Variants in ULK4 observed in about 807,000 individuals in gnomAD.
The protein encoded by ULK4 is unc-51 like kinase 4.
A neutral mutation model predicts 160.6 loss-of-function variants in ULK4; 133 were observed. That is an observed-to-expected ratio of 0.83 (90% CI 0.72 to 0.96). The LOEUF is 0.96. ULK4 is among the 40% of genes least tolerant of loss of function. ULK4 has a pLI of 0.00. For synonymous variants in ULK4, 534 were observed against 539.8 expected (o/e 0.99, Z 0.15); for missense variants, 1,580 against 1,499.5 (o/e 1.05, Z -0.89).
chr3:41,489,798 G>C (rs1173105600), intron 32 of ULK4, among the ~76,000 whole-genome samples: 1 of 152,000 alleles, frequency 6.6e-6, no homozygotes, highest in Non-Finnish European at 1.5e-5. Flanking sequence ...ACCAGTCTTG[G>C]CTAGTAAAAG....
At chr3:41,523,656 T>C (rs1450326694) in intron 32 of ULK4, among the ~76,000 whole-genome samples, 1 of 152,168 alleles carries the variant, frequency 6.6e-6, no homozygotes, top group African/African-American at 2.4e-5. Context: ...ATGGAGAAAC[T>C]GGAGTCCATA....
intron 30 of ULK4, among the ~76,000 whole-genome samples, chr3:41,625,411 C>T (rs889752462): frequency 1.3e-5 from 2 of 152,160 alleles, no homozygotes; most frequent in African/African-American, 4.8e-5. Flanking sequence ...TCTCCTCTCA[C>T]ACAAGCATAG....
In ULK4 at chr3:41,901,479, C is replaced by CTTTTTTTTTT. The variant is rs566805860; in HGVS notation, c.1183-660_1183-651dup. On this transcript the variant is annotated intron_variant, in intron 12 of 36. Transcript: ENST00000301831. The stretch of plus-strand genomic sequence containing the variant: ...ACAGGCGTGAGCCACCACGCCCAGC[C>CTTTTTTTTTT]TTTTTTTTTTTTTTTTTTTGAGATA... Among the ~76,000 whole-genome samples, 12 of 22,544 alleles carry CTTTTTTTTTT rather than the reference C, an allele frequency of 5.3e-4. 3 individuals are homozygous for CTTTTTTTTTT. Among genetic ancestry groups the CTTTTTTTTTT allele is most frequent in the South Asian group, 3.6e-3 (1 of 274 alleles). The allele number at this position is 22,544 out of a possible 152,430, so 14.8% of individuals were successfully genotyped here. A position where few individuals can be genotyped will look rare whatever the true frequency, so the allele number is the denominator to read the frequency against.
Position 41,681,954 on chromosome 3 carries a change from A to T in ULK4, c.2782-150T>A, listed in dbSNP as rs1045044385. 6 of 760,454 alleles carry T rather than the reference A, an allele frequency of 7.9e-6. No individual in the cohort carries two copies. In the African/African-American group the frequency reaches 8.9e-5, roughly 11 times the overall value. The allele number at this position is 760,454 out of a possible 1,614,324, so 47.1% of individuals were successfully genotyped here. On this transcript the variant is annotated intron_variant, in intron 27 of 36. Transcript: ENST00000301831. ...TTATCCTGGATTTAAACTCTCCATG[A>T]CATTTAATAAACCACCAAGCTCATT...
At chr3:41,417,957 T>TTG (rs2082566680) in intron 34 of ULK4, among the ~76,000 whole-genome samples, 1 of 152,140 alleles carries the variant, frequency 6.6e-6, no homozygotes. Context: ...GAGATGAAAT[T>TTG]CCCATGCAAA....
intron 35 of ULK4, among the ~76,000 whole-genome samples, chr3:41,260,821 C>T (rs1420720907): frequency 6.6e-6 from 1 of 152,224 alleles, no homozygotes; most frequent in African/African-American, 2.4e-5. Context: ...AGTACTGGAG[C>T]ATAAGCAGCA....
chr3:41,476,544 C>T (rs948031170), intron 32 of ULK4, among the ~76,000 whole-genome samples: 3 of 152,076 alleles, frequency 2.0e-5, no homozygotes, highest in Admixed American at 6.5e-5. Flanking sequence ...TCATCTTCCA[C>T]GAAGAAGGCT....
In ULK4 at chr3:41,741,969, A is replaced by C. The variant is rs1395681174; in HGVS notation, c.2321+12392T>G. On this transcript the variant is annotated intron_variant, in intron 22 of 36. Transcript: ENST00000301831. ...CCAACCCAGAACTGTCCCCCCAAAA[A>C]AGTGCTAAGAAAAGCCTATTTTCCC... is the stretch of plus-strand genomic sequence containing the variant. Among the ~76,000 whole-genome samples the C allele has an allele frequency of 2.0e-5, 3 of 151,856 alleles. 1 individual carries two copies. Among genetic ancestry groups the C allele is most frequent in the Non-Finnish European group, 4.4e-5 (3 of 68,024 alleles).
chr3:41,651,238 C>A (rs936121780), intron 30 of ULK4, among the ~76,000 whole-genome samples: 2 of 152,162 alleles, frequency 1.3e-5, no homozygotes, highest in Non-Finnish European at 1.5e-5. Context: ...TGGGGGCTTG[C>A]TTTTAAATAC....
At position 41,825,383 on chromosome 3, in the gene ULK4, G is replaced by A. The variant is rs560372617; in HGVS notation, c.1765-5877C>T. On this transcript the variant is annotated intron_variant, in intron 18 of 36. Transcript: ENST00000301831. ...TACTCTAAGCTAAATGAGGAAGTTC[G>A]AACCTATGGCAAAGAAGTTAAAAAC... 2.6e-5 allele frequency among the ~76,000 whole-genome samples: 4 copies of A among 152,102 alleles called. No homozygotes were observed. The East Asian group carries it at 5.8e-4, about 22-fold the overall frequency.
intron 21 of ULK4, among the ~76,000 whole-genome samples, chr3:41,787,474 A>T (rs535917970): frequency 4.6e-5 from 7 of 152,210 alleles, no homozygotes; most frequent in Admixed American, 4.6e-4. Flanking sequence ...TCCACTGGGG[A>T]TCTGTGCTTC....
At chr3:41,824,747 T>C (rs1366980745) in intron 18 of ULK4, among the ~76,000 whole-genome samples, 1 of 152,136 alleles carries the variant, frequency 6.6e-6, no homozygotes, top group South Asian at 2.1e-4. Context: ...GGGCAGGGCA[T>C]AGCCAAACAA....
chr3:41,303,249 G>A (rs1217715395), intron 35 of ULK4, among the ~76,000 whole-genome samples: 1 of 152,164 alleles, frequency 6.6e-6, no homozygotes, highest in African/African-American at 2.4e-5. Flanking sequence ...AAACTCAGGA[G>A]CCTATACTGG....
intron 35 of ULK4, among the ~76,000 whole-genome samples, chr3:41,386,766 A>C (rs951385837): frequency 1.3e-5 from 2 of 152,170 alleles, no homozygotes; most frequent in African/African-American, 2.4e-5. Flanking sequence ...CTAGGAGGAG[A>C]CCGCAAGTAA....
intron 18 of ULK4, among the ~76,000 whole-genome samples, chr3:41,824,466 C>A (rs1189988408): frequency 6.6e-6 from 1 of 152,148 alleles, no homozygotes; most frequent in Non-Finnish European, 1.5e-5. Context: ...CACTCGCACC[C>A]TAATACTGCA....
chr3:41,765,006 T>G (rs1474081909), intron 21 of ULK4, among the ~76,000 whole-genome samples: 2 of 152,216 alleles, frequency 1.3e-5, no homozygotes, highest in Non-Finnish European at 2.9e-5. Flanking sequence ...TGGCGATTCC[T>G]CAGGGATCTA....
chr3:41,320,120 C>T (rs1203902026), intron 35 of ULK4, among the ~76,000 whole-genome samples: 1 of 152,120 alleles, frequency 6.6e-6, no homozygotes, highest in Non-Finnish European at 1.5e-5. Flanking sequence ...CTGATTCTAG[C>T]TCTGCTGTTT....
In ULK4 at chr3:41,522,711, T is replaced by C. The variant is rs544461671; in HGVS notation, c.3226+43314A>G. ...CAGAACTGAAAATGAAACAACTGCT[T>C]GAAAGTTTTTAGACCACAAAATTGG... On this transcript the variant is annotated intron_variant, in intron 32 of 36. Coordinates refer to ENST00000301831, the MANE Select transcript of ULK4 (RefSeq NM_017886.4). Among the ~76,000 whole-genome samples, 5 of 152,246 alleles carry C rather than the reference T, an allele frequency of 3.3e-5. No individual in the cohort carries two copies. The South Asian group carries it at 1.0e-3, about 32-fold the overall frequency.
intron 4 of ULK4, among the ~76,000 whole-genome samples, chr3:41,935,328 G>A (rs905811407): frequency 6.7e-6 from 1 of 150,202 alleles, no homozygotes; most frequent in African/African-American, 2.5e-5. Context: ...CCAGGCTGAA[G>A]CAATTCTCCT....
Sources: allele counts gnomAD v4.1 joint callset (sites outside exome capture counted in the v4.1 genomes callset), GRCh38; gene constraint gnomAD v4.1.1; transcripts MANE v1.5; gene names NCBI Gene and HGNC (gene_info 2026-07-23, HGNC 2026-07-21).